Variants in DAB1 observed in about 807,000 individuals in gnomAD.
DAB1 encodes the protein DAB adaptor protein 1.
In DAB1, 15 loss-of-function variants were observed where a neutral mutation model predicts 64.6. The ratio of observed to expected loss-of-function variants is 0.23; its 90% CI spans 0.16 to 0.36. The LOEUF is 0.36. DAB1 is among the 10% of genes least tolerant of loss of function. The pLI, the probability that DAB1 is intolerant of heterozygous loss-of-function variation, is 1.00. For synonymous variants in DAB1, 235 were observed against 251.9 expected, an observed-to-expected ratio of 0.93 and a Z score of 0.64; for missense variants, 596 against 706.7, an observed-to-expected ratio of 0.84 and a Z score of 1.78.
At chr1:57,106,686 G>T (rs1003332847) in intron 4 of DAB1, among the ~76,000 whole-genome samples, 6 of 152,126 alleles carry the variant, frequency 3.9e-5, no homozygotes, top group African/African-American at 1.2e-4. Context: ...CGTAGGAAAA[G>T]GTACAGCTAT....
intron 5 of DAB1, among the ~76,000 whole-genome samples, chr1:57,988,973 T>C (rs953392841): frequency 6.6e-6 from 1 of 152,126 alleles, no homozygotes; most frequent in Non-Finnish European, 1.5e-5. Context: ...CCTGGTTTTC[T>C]CTGCTGGAAG....
chr1:58,280,192 C>T (rs943478223), intron 4 of DAB1, among the ~76,000 whole-genome samples: 4 of 152,264 alleles, frequency 2.6e-5, no homozygotes, highest in Non-Finnish European at 2.9e-5. Context: ...CAGGAGGCTC[C>T]CACCTCCTGT....
chr1:58,466,524 C>T (rs1221417026), intron 3 of DAB1, among the ~76,000 whole-genome samples: 1 of 152,128 alleles, frequency 6.6e-6, no homozygotes, highest in Non-Finnish European at 1.5e-5. Context: ...GGACTTGGAG[C>T]CTGGAAGGCA....
intron 5 of DAB1, among the ~76,000 whole-genome samples, chr1:57,910,075 C>T (rs1478874697): frequency 1.3e-5 from 2 of 152,158 alleles, no homozygotes; most frequent in Admixed American, 6.5e-5. Flanking sequence ...CACAAAGCGA[C>T]CCAGCGATCA....
intron 7 of DAB1, among the ~76,000 whole-genome samples, chr1:57,452,340 G>T (rs988788898): frequency 6.6e-6 from 1 of 151,962 alleles, no homozygotes; most frequent in Non-Finnish European, 1.5e-5. Context: ...AGAGACTGAT[G>T]AATATACTTG....
At chr1:58,341,801 A>G (rs1643940064) in intron 4 of DAB1, among the ~76,000 whole-genome samples, 1 of 152,168 alleles carries the variant, frequency 6.6e-6, no homozygotes, top group Admixed American at 6.5e-5. Context: ...ACAAGAAATT[A>G]TTTCTAAGGT....
chr1:58,342,122 T>A (rs1643944200), intron 4 of DAB1, among the ~76,000 whole-genome samples: 1 of 152,244 alleles, frequency 6.6e-6, no homozygotes, highest in African/African-American at 2.4e-5. Context: ...TTCTCTAACA[T>A]TTAATTCCGA....
intron 2 of DAB1, among the ~76,000 whole-genome samples, chr1:57,229,490 C>T (rs748282869): frequency 1.8e-4 from 28 of 151,602 alleles, no homozygotes; most frequent in Non-Finnish European, 2.4e-4. Context: ...CCACTGCGCC[C>T]GGCCTATAAT....
chr1:57,457,845 G>A (rs1173946869), intron 7 of DAB1, among the ~76,000 whole-genome samples: 1 of 152,138 alleles, frequency 6.6e-6, no homozygotes, highest in Non-Finnish European at 1.5e-5. Context: ...AAGGATTACA[G>A]GATTGTCCAA....
chr1:57,925,555 A>G (rs1247304702), intron 5 of DAB1, among the ~76,000 whole-genome samples: 1 of 152,220 alleles, frequency 6.6e-6, no homozygotes, highest in Non-Finnish European at 1.5e-5. Flanking sequence ...GAGCACAGAC[A>G]TTGCTCTCAC....
At chr1:57,725,077 C>T (rs1374433922) in intron 6 of DAB1, among the ~76,000 whole-genome samples, 1 of 152,200 alleles carries the variant, frequency 6.6e-6, no homozygotes, top group Non-Finnish European at 1.5e-5. Flanking sequence ...TGGTCAAGTA[C>T]AAGGGCTGTG....
At chr1:57,419,071 A>G (rs1033691205) in intron 1 of DAB1, among the ~76,000 whole-genome samples, 3 of 152,190 alleles carry the variant, frequency 2.0e-5, no homozygotes, top group Admixed American at 1.3e-4. Context: ...TGTACATACC[A>G]GAGGAGGGGT....
chr1:58,484,551 A>C (rs564840683), intron 3 of DAB1, among the ~76,000 whole-genome samples: 1 of 152,160 alleles, frequency 6.6e-6, no homozygotes, highest in Non-Finnish European at 1.5e-5. Context: ...ATATCAGCTC[A>C]ATTTTACAGA....
At chr1:57,904,217 C>T in intron 5 of DAB1, among the ~76,000 whole-genome samples, 1 of 152,180 alleles carries the variant, frequency 6.6e-6, no homozygotes, top group East Asian at 1.9e-4. Context: ...CAGGGACGTA[C>T]CATGCTTTTA....
At chr1:57,821,072 C>T (rs1478913911), downstream of DAB1, among the ~76,000 whole-genome samples, 4 of 152,068 alleles carry the variant, frequency 2.6e-5, no homozygotes, top group Admixed American at 2.6e-4. Flanking sequence ...CTTTCACCCA[C>T]CCCCAAAAAA....
Position 57,233,255 on chromosome 1 carries a change from C to CTTTTTTTTTTTTTTTTTTT in DAB1, c.67+57690_67+57708dup, listed in dbSNP as rs1186221366. On this transcript the variant is annotated intron_variant, in intron 2 of 14. Coordinates refer to ENST00000371236, the MANE Select transcript of DAB1 (RefSeq NM_001365792.1). Reference sequence around the variant, plus strand: ...TGCAGCTTCAAGCTTTGCTCCGATTCTTTTTTTTTTTTTTTTTTTTTTTTT... The same window carrying CTTTTTTTTTTTTTTTTTTT: ...TGCAGCTTCAAGCTTTGCTCCGATTCTTTTTTTTTTTTTTTTTTTTTTTTTTTTTTTTTTTTTTTTTTTT... Among the ~76,000 whole-genome samples, 2 of 60,804 alleles carry CTTTTTTTTTTTTTTTTTTT rather than the reference C, an allele frequency of 3.3e-5. 1 individual carries two copies. The highest frequency in any genetic ancestry group is 5.6e-5 in the Non-Finnish European group (2 of 35,518). 39.9% of individuals were successfully genotyped at this position (60,804 alleles called of 152,430 possible). A position where few individuals can be genotyped will look rare whatever the true frequency, so the allele number is the denominator to read the frequency against.
intron 5 of DAB1, among the ~76,000 whole-genome samples, chr1:57,999,300 T>C (rs1352213125): frequency 6.6e-6 from 1 of 152,176 alleles, no homozygotes; most frequent in Non-Finnish European, 1.5e-5. Context: ...GGCAGGGCAG[T>C]GGTTCTCGAA....
intron 5 of DAB1, among the ~76,000 whole-genome samples, chr1:58,016,008 G>GC (rs978140316): frequency 9.1e-4 from 139 of 152,156 alleles, no homozygotes; most frequent in African/African-American, 3.1e-3. Flanking sequence ...AACAGCCTAG[G>GC]GGGGGGTAGT....
intron 7 of DAB1, among the ~76,000 whole-genome samples, chr1:57,616,728 T>C (rs1387434312): frequency 6.6e-6 from 1 of 152,142 alleles, no homozygotes; most frequent in Non-Finnish European, 1.5e-5. Context: ...CCAAATATTA[T>C]GAAATGGGTC....
Sources: gnomAD v4.1 joint callset for allele counts (sites outside exome capture counted in the v4.1 genomes callset) on GRCh38, gnomAD v4.1.1 for gene constraint, MANE v1.5 for transcripts, NCBI Gene and HGNC (gene_info 2026-07-23, HGNC 2026-07-21) for gene names.